The following RNMT variants were observed in gnomAD, a reference collection of about 807,000 sequenced individuals.
RNMT encodes RNA guanine-7 methyltransferase, also known as mRNA cap guanine-N(7) methyltransferase.
Under a neutral mutation model 56.0 loss-of-function variants are expected in RNMT, and 27 were observed. The observed-to-expected ratio is 0.48, with a 90% CI of 0.36 to 0.67. The LOEUF (loss-of-function observed/expected upper bound fraction) is 0.67, where lower values mean the gene tolerates loss of function less well. Among genes scored for constraint, RNMT ranks in the 30% least tolerant of loss-of-function variants. The pLI, the probability that RNMT is intolerant of heterozygous loss-of-function variation, is 0.00. For missense variants in RNMT, 519 were observed against 552.1 expected (o/e 0.94, Z 0.60); for synonymous variants, 184 against 176.2 (o/e 1.04, Z -0.35).
rs2044610451 is a variant in RNMT at position 13,760,869 on chromosome 18, G to C, written c.*890G>C. 1.0e-6 allele frequency: 1 copy of C among 985,242 alleles called. No individual in the cohort carries two copies. Among genetic ancestry groups the C allele is most frequent in the African/African-American group, 1.7e-5 (1 of 57,208 alleles). 61.0% of individuals were successfully genotyped at this position (985,242 alleles called of 1,614,324 possible). ...AGAAATAAGCAATACTTGTTCCTCT[G>C]TTACAACCTCAGCACTTTGCACCGT... On this transcript the variant is annotated 3_prime_UTR_variant, in exon 12 of 12. Coordinates refer to ENST00000383314, the MANE Select transcript of RNMT (RefSeq NM_003799.3).
chr18:13,728,300 C>CTTTTTTTT (rs1204415985), intron 1 of RNMT, among the ~76,000 whole-genome samples: 7 of 109,640 alleles, frequency 6.4e-5, no homozygotes, highest in Admixed American at 2.3e-4. Flanking sequence ...TCATCAGCAT[C>CTTTTTTTT]TTTTTTTTTT....
At position 13,763,282 on chromosome 18, in the gene RNMT, A is replaced by G; in HGVS notation, c.*3303A>G. The G allele has an allele frequency of 2.6e-6, 1 of 390,456 alleles. No individual in the cohort carries two copies. The highest frequency in any genetic ancestry group is 1.9e-5 in the South Asian group (1 of 52,878). The allele number at this position is 390,456 out of a possible 1,614,324, so 24.2% of individuals were successfully genotyped here. A position where few individuals can be genotyped will look rare whatever the true frequency, so the allele number is the denominator to read the frequency against. On this transcript the variant is annotated 3_prime_UTR_variant, in exon 12 of 12. Transcript: ENST00000383314. ...AAGGCTACTACACTTGTGTAATGAT[A>G]TTTAGCAGATGCATACAGGACTGGA... is the stretch of plus-strand genomic sequence containing the variant.
At position 13,760,236 on chromosome 18, in the gene RNMT, C is replaced by T; in HGVS notation, c.*257C>T. 4 of 1,188,950 alleles carry T rather than the reference C, an allele frequency of 3.4e-6. No homozygotes were observed. The highest frequency in any genetic ancestry group is 4.2e-6 in the Non-Finnish European group (4 of 958,646). 73.7% of individuals were successfully genotyped at this position (1,188,950 alleles called of 1,614,324 possible). ...AATGTTCTAAGAATTCCATTTGCCT[C>T]TATGATCTTAGCTCATAAAAATATA... is the stretch of plus-strand genomic sequence containing the variant. On this transcript the variant is annotated 3_prime_UTR_variant, in exon 12 of 12. Coordinates refer to ENST00000383314, the MANE Select transcript of RNMT (RefSeq NM_003799.3).
chr18:13,731,404 GT>G, intron 2 of RNMT, 71 bp from the exon 3 acceptor site: 3 of 639,910 alleles, frequency 4.7e-6, no homozygotes, highest in Non-Finnish European at 7.2e-6. Flanking sequence ...GTGAAACTCC[GT>G]CTCAAAAAAA....
chr18:13,736,618 A>G (rs1015190979), intron 4 of RNMT, among the ~76,000 whole-genome samples: 4 of 151,698 alleles, frequency 2.6e-5, no homozygotes, highest in African/African-American at 7.3e-5. Flanking sequence ...ACACCTAGCT[A>G]TGGAAAGAGA....
rs978570909 is a variant in RNMT, at chr18:13,758,550, C to T, written c.1394-1392C>T. On this transcript the variant is annotated intron_variant, in intron 11 of 11. Transcript: ENST00000383314. ...TGTGCAGTTTCCTCACCTCTCTCAT[C>T]CTTCATAGAATTGAAGAGAGAGAGT... is the stretch of plus-strand genomic sequence containing the variant. Among the ~76,000 whole-genome samples, 5 of 152,154 alleles carry T rather than the reference C, an allele frequency of 3.3e-5. No homozygotes were observed. The East Asian group carries it at 9.6e-4, about 29-fold the overall frequency.
intron 11 of RNMT, among the ~76,000 whole-genome samples, chr18:13,757,947 A>G (rs2044570254): frequency 2.0e-5 from 3 of 152,272 alleles, no homozygotes; most frequent in African/African-American, 7.2e-5. Context: ...ATTAGCAGCC[A>G]TGAAAATAAC....
intron 9 of RNMT, among the ~76,000 whole-genome samples, chr18:13,748,164 A>G (rs2044382804): frequency 6.6e-6 from 1 of 152,238 alleles, no homozygotes; most frequent in Admixed American, 6.5e-5. Flanking sequence ...GGTAGAGGAC[A>G]GGCAGAGAAA....
At chr18:13,746,527 G>A (rs941824105) in intron 9 of RNMT, among the ~76,000 whole-genome samples, 190 bp downstream of exon 9, 2 of 152,210 alleles carry the variant, frequency 1.3e-5, no homozygotes, top group Admixed American at 6.5e-5. Context: ...ATGAGTACTG[G>A]TGTTACCAAA....
At chr18:13,744,768 C>G (rs555270631) in intron 8 of RNMT, among the ~76,000 whole-genome samples, 1 of 152,264 alleles carries the variant, frequency 6.6e-6, no homozygotes, top group South Asian at 2.1e-4. Flanking sequence ...TGTACACGAG[C>G]CTTCCCACCT....
At chr18:13,757,317 T>C (rs557650595) in intron 11 of RNMT, among the ~76,000 whole-genome samples, 1 of 152,092 alleles carries the variant, frequency 6.6e-6, no homozygotes, top group Admixed American at 6.5e-5. Flanking sequence ...TGATTGACCA[T>C]TCTTTCACAG....
intron 9 of RNMT, 130 bp downstream of exon 9, chr18:13,746,467 C>CT: frequency 1.5e-6 from 1 of 674,132 alleles, no homozygotes; most frequent in Non-Finnish European, 2.7e-6. Context: ...TAGGACGGAG[C>CT]TTGATACAGA....
intron 2 of RNMT, among the ~76,000 whole-genome samples, chr18:13,731,209 C>A (rs1489700510): frequency 1.3e-5 from 2 of 152,104 alleles, no homozygotes; most frequent in South Asian, 2.1e-4. Context: ...GAGTTAGAGA[C>A]CAGCCTGCCC....
At chr18:13,752,173 T>G (rs1452014769) in intron 9 of RNMT, 153 bp from the exon 10 acceptor site, 2 of 578,026 alleles carry the variant, frequency 3.5e-6, no homozygotes, top group African/African-American at 3.7e-5. Context: ...TTTTTTAATT[T>G]TTTTCTGTAT....
chr18:13,746,152 G>T, intron 8 of RNMT, 68 bp from the exon 9 acceptor site: 1 of 804,506 alleles, frequency 1.2e-6, no homozygotes, highest in East Asian at 2.5e-5. Flanking sequence ...TGTCATTGCT[G>T]TACAAAAGTA....
Position 13,762,247 on chromosome 18 carries a change from G to C in RNMT, c.*2268G>C. The C allele has an allele frequency of 7.4e-7, 1 of 1,354,016 alleles. No homozygotes were observed. Among genetic ancestry groups the C allele is most frequent in the Non-Finnish European group, 9.8e-7 (1 of 1,015,516 alleles). The allele number at this position is 1,354,016 out of a possible 1,614,324, so 83.9% of individuals were successfully genotyped here. A position where few individuals can be genotyped will look rare whatever the true frequency, so the allele number is the denominator to read the frequency against. On this transcript the variant is annotated 3_prime_UTR_variant, in exon 12 of 12. Coordinates refer to ENST00000383314, the MANE Select transcript of RNMT (RefSeq NM_003799.3). ...CGATGATTGATCTGGGAACATGGCT[G>C]GATTGTGATTTAACCAAGAATGCTG...
At chr18:13,732,054 A>G (rs4797806) in intron 3 of RNMT, 120 bp downstream of exon 3, 639,234 of 744,154 alleles carry the variant, frequency 0.86, 275,404 homozygotes, top group East Asian at 0.95. Context: ...TTTAATAGAT[A>G]TGGTCCTAAG....
rs2044615766 is a variant in RNMT at position 13,761,283 on chromosome 18, TG to T, written c.*1305del. ...ACCAGTTTACAAAAATAAGTCTTTT[TG>T]CCTTAAGTCATTTTGGAAATAAGTA... On this transcript the variant is annotated 3_prime_UTR_variant, in exon 12 of 12. Transcript: ENST00000383314. 1 of 985,344 alleles carries T rather than the reference TG, an allele frequency of 1.0e-6. No homozygotes were observed. The highest frequency in any genetic ancestry group is 1.2e-6 in the Non-Finnish European group (1 of 829,954). The allele number at this position is 985,344 out of a possible 1,614,324, so 61.0% of individuals were successfully genotyped here.
chr18:13,756,880 A>G (rs1431283303), intron 11 of RNMT, among the ~76,000 whole-genome samples: 1 of 152,268 alleles, frequency 6.6e-6, no homozygotes, highest in South Asian at 2.1e-4. Context: ...ATCCTAGCAC[A>G]TGCCCCAAAC....
Sources: gnomAD v4.1 joint callset for allele counts (sites outside exome capture counted in the v4.1 genomes callset) on GRCh38, gnomAD v4.1.1 for gene constraint, MANE v1.5 for transcripts, NCBI Gene and HGNC (gene_info 2026-07-23, HGNC 2026-07-21) for gene names.